The following GPR161 variants were observed in gnomAD, a reference collection of about 807,000 sequenced individuals.
GPR161 encodes the protein G-protein coupled receptor RE2.
In GPR161, 25 loss-of-function variants were observed where a neutral mutation model predicts 39.2. The ratio of observed to expected loss-of-function variants is 0.64; its 90% CI spans 0.47 to 0.89. The LOEUF (loss-of-function observed/expected upper bound fraction) is 0.89, where lower values mean the gene tolerates loss of function less well. Among genes scored for constraint, GPR161 ranks in the 40% least tolerant of loss-of-function variants. The pLI, the probability that GPR161 is intolerant of heterozygous loss-of-function variation, is 0.00. For synonymous variants in GPR161, 286 were observed against 276.6 expected (o/e 1.03, Z -0.34); for missense variants, 547 against 677.8 (o/e 0.81, Z 2.14).
chr1:168,119,516 G>C (rs1697984049), intron 1 of GPR161, among the ~76,000 whole-genome samples: 1 of 151,874 alleles, frequency 6.6e-6, no homozygotes, highest in Admixed American at 6.6e-5. Flanking sequence ...GGGCAGAATG[G>C]GGAGTTATAG....
At chr1:168,099,844 G>T (rs1182198359) in intron 2 of GPR161, among the ~76,000 whole-genome samples, 1 of 145,968 alleles carries the variant, frequency 6.9e-6, no homozygotes, top group Non-Finnish European at 1.5e-5. Flanking sequence ...TTTGGGGGGG[G>T]GGGGTTGGTG....
chr1:168,135,116 G>A (rs894831228), intron 1 of GPR161: 2 of 1,431,618 alleles, frequency 1.4e-6, no homozygotes, highest in African/African-American at 1.4e-5. Context: ...TCTTAATGAG[G>A]GGTCTCTATT....
intron 2 of GPR161, among the ~76,000 whole-genome samples, chr1:168,101,903 T>C (rs913048874): frequency 1.6e-4 from 21 of 129,872 alleles, no homozygotes; most frequent in Admixed American, 8.7e-5. Flanking sequence ...GCCTACCGGG[T>C]TCAAGTGATT....
chr1:168,095,931 T>C (rs1251756808), intron 3 of GPR161, among the ~76,000 whole-genome samples: 2 of 151,764 alleles, frequency 1.3e-5, no homozygotes, highest in East Asian at 3.9e-4. Flanking sequence ...GGTCAGGAGT[T>C]TGAGACCAGC....
In GPR161 at chr1:168,084,663, A is replaced by G. The variant is rs908950015; in HGVS notation, c.*868T>C. 1.6e-5 allele frequency: 6 copies of G among 368,330 alleles called. No homozygotes were observed. Among genetic ancestry groups the G allele is most frequent in the African/African-American group, 1.1e-4 (5 of 46,918 alleles). 22.8% of individuals were successfully genotyped at this position (368,330 alleles called of 1,614,324 possible). On this transcript the variant is annotated 3_prime_UTR_variant, in exon 6 of 6. Transcript: ENST00000682931. ...AGAATCTATTTAATGAGGCTTTCCC[A>G]TGTGAACAAATTCCCTTCCATAATA...
rs1446783380 is a variant in GPR161, at chr1:168,081,419, G to C, written c.*4112C>G. On this transcript the variant is annotated 3_prime_UTR_variant, in exon 6 of 6. Coordinates refer to ENST00000682931, the MANE Select transcript of GPR161 (RefSeq NM_001375883.1). Reference sequence around the variant, plus strand: ...TCATTATAGAGATCCCTATAAAAAGGAATAATACACCCTCCCCACAGAGAT... The same window carrying C: ...TCATTATAGAGATCCCTATAAAAAGCAATAATACACCCTCCCCACAGAGAT... 6.6e-6 allele frequency: 1 copy of C among 152,076 alleles called. No homozygotes were observed. The highest frequency in any genetic ancestry group is 2.4e-5 in the African/African-American group (1 of 41,388). The allele number at this position is 152,076 out of a possible 1,614,324, so 9.4% of individuals were successfully genotyped here.
intron 2 of GPR161, among the ~76,000 whole-genome samples, chr1:168,103,165 G>A (rs1696271703): frequency 6.6e-6 from 1 of 152,104 alleles, no homozygotes; most frequent in Non-Finnish European, 1.5e-5. Context: ...ACCTCCACAG[G>A]ATGGAATACC....
chr1:168,131,970 A>G (rs1699022171), intron 1 of GPR161, among the ~76,000 whole-genome samples: 1 of 152,246 alleles, frequency 6.6e-6, no homozygotes, highest in African/African-American at 2.4e-5. Context: ...CAGCATTTAA[A>G]ATGCACATAA....
At chr1:168,085,958 A>T (rs1473272862) in intron 5 of GPR161, among the ~76,000 whole-genome samples, 162 bp from the exon 6 acceptor site, 2 of 152,146 alleles carry the variant, frequency 1.3e-5, no homozygotes, top group African/African-American at 4.8e-5. Flanking sequence ...TGACTCCCTG[A>T]CTTCCTACCT....
intron 3 of GPR161, among the ~76,000 whole-genome samples, chr1:168,095,131 G>C (rs1695406261): frequency 6.6e-6 from 1 of 152,170 alleles, no homozygotes; most frequent in Non-Finnish European, 1.5e-5. Flanking sequence ...TTCTAATCTT[G>C]AGAAAGCATC....
rs1693936425 is a variant in GPR161 at position 168,079,730 on chromosome 1, C to A, written c.*5801G>T. The stretch of plus-strand genomic sequence containing the variant: ...TGTTTTTCGAGGGTTGGTTTTTAAC[C>A]ACTTCTTCATCCAGCGGTCTATTAT... On this transcript the variant is annotated 3_prime_UTR_variant, in exon 6 of 6. Coordinates refer to ENST00000682931, the MANE Select transcript of GPR161 (RefSeq NM_001375883.1). The A allele has an allele frequency of 6.6e-6, 1 of 151,700 alleles. No individual in the cohort carries two copies. Among genetic ancestry groups the A allele is most frequent in the African/African-American group, 2.4e-5 (1 of 41,218 alleles). The allele number at this position is 151,700 out of a possible 1,614,324, so 9.4% of individuals were successfully genotyped here. A position where few individuals can be genotyped will look rare whatever the true frequency, so the allele number is the denominator to read the frequency against.
Position 168,104,992 on chromosome 1 carries a change from G to A in GPR161, c.-44-98C>T, listed in dbSNP as rs571661191. On this transcript the variant is annotated intron_variant, in intron 1 of 5. Transcript: ENST00000682931. Reference sequence around the variant, plus strand: ...AAGGCTTAAAGGGGTTAAGTGCTACGCCTCAGATCACCCAGCTAGTACAGA... The same window carrying A: ...AAGGCTTAAAGGGGTTAAGTGCTACACCTCAGATCACCCAGCTAGTACAGA... The A allele has an allele frequency of 1.2e-4, 106 of 867,692 alleles. 1 individual carries two copies. The highest frequency in any genetic ancestry group is 1.2e-3 in the South Asian group (68 of 58,698). 53.7% of individuals were successfully genotyped at this position (867,692 alleles called of 1,614,324 possible).
At chr1:168,106,188 A>G (rs1255827520) in intron 1 of GPR161, among the ~76,000 whole-genome samples, 1 of 152,158 alleles carries the variant, frequency 6.6e-6, no homozygotes, top group Non-Finnish European at 1.5e-5. Flanking sequence ...CGGTCCCCAA[A>G]ATTGAACACA....
chr1:168,085,095 TG>T lies in GPR161; in HGVS notation c.*435del, dbSNP rs1369012174. On this transcript the variant is annotated 3_prime_UTR_variant, in exon 6 of 6. Transcript: ENST00000682931. ...TGCTGTGTCATCCTTCACAGTACAC[TG>T]GGGAGGGTTCTCCTCCTGAGGCATC... The T allele has an allele frequency of 6.5e-6, 3 of 458,508 alleles. No homozygotes were observed. Among genetic ancestry groups the T allele is most frequent in the Non-Finnish European group, 1.3e-5 (3 of 228,744 alleles). 28.4% of individuals were successfully genotyped at this position (458,508 alleles called of 1,614,324 possible). A position where few individuals can be genotyped will look rare whatever the true frequency, so the allele number is the denominator to read the frequency against.
rs1253900346 is a variant in GPR161, at chr1:168,082,490, G to A, written c.*3041C>T. On this transcript the variant is annotated 3_prime_UTR_variant, in exon 6 of 6. Transcript: ENST00000682931. ...GGTGCCTCTGGCCAGGGAAATGGCT[G>A]TGTTGAGCTGTGTGTGTGCTCTGTA... 6.6e-6 allele frequency: 1 copy of A among 152,336 alleles called. No homozygotes were observed. Among genetic ancestry groups the A allele is most frequent in the Non-Finnish European group, 1.5e-5 (1 of 68,140 alleles). 9.4% of individuals were successfully genotyped at this position (152,336 alleles called of 1,614,324 possible). A position where few individuals can be genotyped will look rare whatever the true frequency, so the allele number is the denominator to read the frequency against.
chr1:168,093,781 A>G (rs1295388151), intron 3 of GPR161, among the ~76,000 whole-genome samples: 3 of 152,252 alleles, frequency 2.0e-5, no homozygotes, highest in Non-Finnish European at 2.9e-5. Context: ...CACAAGGCAG[A>G]GGCCAGGGCT....
At chr1:168,113,180 G>C (rs538957541) in intron 1 of GPR161, among the ~76,000 whole-genome samples, 27 of 152,178 alleles carry the variant, frequency 1.8e-4, no homozygotes, top group Admixed American at 3.3e-4. Flanking sequence ...GCTCAAGTGT[G>C]ACTCACATTT....
At chr1:168,128,539 T>A (rs1473970049) in intron 1 of GPR161, among the ~76,000 whole-genome samples, 3 of 152,198 alleles carry the variant, frequency 2.0e-5, no homozygotes, top group Non-Finnish European at 4.4e-5. Flanking sequence ...TTCTGTTTTT[T>A]ACTGTATGTA....
At chr1:168,137,224 C>T, upstream of GPR161, 2 of 1,470,362 alleles carry the variant, frequency 1.4e-6, no homozygotes, top group Non-Finnish European at 1.8e-6. Flanking sequence ...TCAGGCCTTC[C>T]CTGTTCCCGT....
Sources: allele counts gnomAD v4.1 joint callset (sites outside exome capture counted in the v4.1 genomes callset), GRCh38; gene constraint gnomAD v4.1.1; transcripts MANE v1.5; gene names NCBI Gene and HGNC (gene_info 2026-07-23, HGNC 2026-07-21).